ARID1B: variants seen among roughly 807,000 people sequenced by gnomAD.
The protein encoded by ARID1B is AT-rich interaction domain 1B, also known as AT-rich interactive domain-containing protein 1B.
A neutral mutation model predicts 212.3 loss-of-function variants in ARID1B; 30 were observed. The ratio of observed to expected loss-of-function variants is 0.14; its 90% CI spans 0.11 to 0.19. ARID1B has a LOEUF of 0.19. Among genes scored for constraint, ARID1B ranks in the 10% least tolerant of loss-of-function variants. ARID1B has a pLI of 1.00. For synonymous variants in ARID1B, 1,402 were observed against 1,301.7 expected (o/e 1.08, Z -1.66); for missense variants, 2,891 against 3,204.0 (o/e 0.90, Z 2.36).
At chr6:157,084,146 A>ATG (rs1305225749) in intron 4 of ARID1B, among the ~76,000 whole-genome samples, 1 of 147,766 alleles carries the variant, frequency 6.8e-6, no homozygotes, top group African/African-American at 2.5e-5. Flanking sequence ...TCCCCCCCAA[A>ATG]AAAAAAAAAA....
intron 4 of ARID1B, among the ~76,000 whole-genome samples, chr6:156,974,934 C>T (rs1777135220): frequency 6.6e-6 from 1 of 152,088 alleles, no homozygotes; most frequent in Admixed American, 6.5e-5. Flanking sequence ...CATTTGATGG[C>T]CATTTGGGTT....
intron 5 of ARID1B, among the ~76,000 whole-genome samples, chr6:157,109,186 AGGGTTGGTTGTT>A (rs1786713828): frequency 6.6e-6 from 1 of 152,044 alleles, no homozygotes; most frequent in African/African-American, 2.4e-5. Flanking sequence ...GAACCACAAG[AGGGTTGGTTGTT>A]GTACATCGTC....
At chr6:157,062,693 T>A (rs1293256866) in intron 4 of ARID1B, among the ~76,000 whole-genome samples, 1 of 127,424 alleles carries the variant, frequency 7.8e-6, no homozygotes, top group Admixed American at 7.6e-5. Context: ...TGTTTTAAAA[T>A]ATATATATAT....
intron 1 of ARID1B, among the ~76,000 whole-genome samples, chr6:156,788,760 C>CT (rs1478656936): frequency 1.3e-5 from 2 of 152,148 alleles, no homozygotes; most frequent in African/African-American, 2.4e-5. Flanking sequence ...AATGTCAAAT[C>CT]TAAGAGTACC....
chr6:157,079,196 TC>T (rs1478089370), intron 4 of ARID1B, among the ~76,000 whole-genome samples: 1 of 152,194 alleles, frequency 6.6e-6, no homozygotes, highest in Non-Finnish European at 1.5e-5. Context: ...AGATTTTTTT[TC>T]CAGGGATTCT....
At chr6:156,813,565 A>G (rs1020782602) in intron 1 of ARID1B, among the ~76,000 whole-genome samples, 2 of 152,234 alleles carry the variant, frequency 1.3e-5, no homozygotes, top group Admixed American at 6.5e-5. Context: ...GTTAGAATTA[A>G]GTGTTCAGGT....
chr6:157,140,171 T>C (rs1789242774), intron 7 of ARID1B, among the ~76,000 whole-genome samples: 1 of 152,190 alleles, frequency 6.6e-6, no homozygotes, highest in Non-Finnish European at 1.5e-5. Flanking sequence ...ATTATAAAGT[T>C]ATTAGAACAC....
chr6:156,993,273 C>T lies in ARID1B; in HGVS notation c.2247+57697C>T, dbSNP rs147619405. Reference sequence around the variant, plus strand: ...GCCAGGTTGGTCTTGAACTCCTGACCTCAGGTGATCCACCAGCCTCAGCCT... The same window carrying T: ...GCCAGGTTGGTCTTGAACTCCTGACTTCAGGTGATCCACCAGCCTCAGCCT... On this transcript the variant is annotated intron_variant, in intron 4 of 19. Transcript: ENST00000636930. 6.6e-3 allele frequency among the ~76,000 whole-genome samples: 1,000 copies of T among 152,272 alleles called. 5 individuals carry two copies. The highest frequency in any genetic ancestry group is 0.023 in the African/African-American group (957 of 41,526).
At chr6:157,155,926 A>C (rs1362669545) in intron 8 of ARID1B, among the ~76,000 whole-genome samples, 3 of 152,214 alleles carry the variant, frequency 2.0e-5, no homozygotes, top group Non-Finnish European at 4.4e-5. Context: ...CACATCTTCC[A>C]GCCACTGTTC....
intron 3 of ARID1B, among the ~76,000 whole-genome samples, chr6:156,915,394 C>G (rs1358602674): frequency 6.6e-6 from 1 of 152,004 alleles, no homozygotes; most frequent in Non-Finnish European, 1.5e-5. Flanking sequence ...TGGTGAAACC[C>G]TGTCTCTACT....
At chr6:156,931,190 CAAAAAAA>C (rs11309121) in intron 3 of ARID1B, among the ~76,000 whole-genome samples, 3 of 90,188 alleles carry the variant, frequency 3.3e-5, no homozygotes, top group Admixed American at 1.2e-4. Context: ...GACTCAGTCT[CAAAAAAA>C]AAAAAAAAAA....
At chr6:156,897,356 C>T (rs1788563310) in intron 2 of ARID1B, among the ~76,000 whole-genome samples, 1 of 151,008 alleles carries the variant, frequency 6.6e-6, no homozygotes, top group Non-Finnish European at 1.5e-5. Context: ...TCACTGTAAC[C>T]TCCACCTCCC....
In ARID1B at chr6:156,892,795, A is replaced by G. The variant is rs1315906197; in HGVS notation, c.1987-8581A>G. The stretch of plus-strand genomic sequence containing the variant: ...ACCATATGGTGTGTTGAGAATGTAT[A>G]CATTTAATTAGTTCTTTTCAAAAAA... On this transcript the variant is annotated intron_variant, in intron 2 of 19. Transcript: ENST00000636930. 2.0e-5 allele frequency among the ~76,000 whole-genome samples: 3 copies of G among 152,324 alleles called. No individual in the cohort carries two copies. The East Asian group carries it at 5.8e-4, about 29-fold the overall frequency.
chr6:156,851,003 TC>T (rs1784547615), intron 2 of ARID1B, among the ~76,000 whole-genome samples: 1 of 152,214 alleles, frequency 6.6e-6, no homozygotes, highest in Admixed American at 6.5e-5. Flanking sequence ...TGCGTATTTG[TC>T]CCGTATTTAT....
chr6:156,996,509 C>T (rs1470789875), intron 4 of ARID1B, among the ~76,000 whole-genome samples: 1 of 152,170 alleles, frequency 6.6e-6, no homozygotes, highest in Non-Finnish European at 1.5e-5. Context: ...CCATTTGTTT[C>T]TCTTCAAAAT....
At chr6:157,112,925 T>C (rs1787032014) in intron 6 of ARID1B, among the ~76,000 whole-genome samples, 1 of 150,954 alleles carries the variant, frequency 6.6e-6, no homozygotes, top group Non-Finnish European at 1.5e-5. Context: ...ACCACTTCTT[T>C]TTTTTTTTTT....
At chr6:156,829,672 C>A (rs1460030741) in intron 2 of ARID1B, 7 of 411,274 alleles carry the variant, frequency 1.7e-5, no homozygotes, top group Non-Finnish European at 3.0e-5. Flanking sequence ...GATAGGTGCA[C>A]TGTGTCATAA....
In ARID1B at chr6:156,855,711, T is replaced by G. The variant is rs180981143; in HGVS notation, c.1986+26290T>G. Reference sequence around the variant, plus strand: ...ATGGAGCCCTAAATTGTGTGTGTGTTTCTCTGTCTTTGTGTGTGTGAGTGT... The same window carrying G: ...ATGGAGCCCTAAATTGTGTGTGTGTGTCTCTGTCTTTGTGTGTGTGAGTGT... On this transcript the variant is annotated intron_variant, in intron 2 of 19. Coordinates refer to ENST00000636930, the MANE Select transcript of ARID1B (RefSeq NM_001374828.1). Among the ~76,000 whole-genome samples the G allele has an allele frequency of 2.6e-3, 392 of 152,296 alleles. 1 individual carries two copies. Among genetic ancestry groups the G allele is most frequent in the African/African-American group, 9.1e-3 (378 of 41,562 alleles).
intron 7 of ARID1B, among the ~76,000 whole-genome samples, chr6:157,139,210 C>T (rs1024576254): frequency 1.3e-5 from 2 of 152,210 alleles, no homozygotes; most frequent in Non-Finnish European, 2.9e-5. Flanking sequence ...GAGGGGCACA[C>T]CTCCTGCCCT....
Sources: allele counts gnomAD v4.1 joint callset (sites outside exome capture counted in the v4.1 genomes callset), GRCh38; gene constraint gnomAD v4.1.1; transcripts MANE v1.5; gene names NCBI Gene and HGNC (gene_info 2026-07-23, HGNC 2026-07-21).